Variants in FILIP1L observed in about 807,000 individuals in gnomAD.
The protein encoded by FILIP1L is filamin A-interacting protein 1-like.
Under a neutral mutation model 96.6 loss-of-function variants are expected in FILIP1L, and 55 were observed. The ratio of observed to expected loss-of-function variants is 0.57; its 90% CI spans 0.46 to 0.71. The LOEUF (loss-of-function observed/expected upper bound fraction) is 0.71. Among genes scored for constraint, FILIP1L ranks in the 30% least tolerant of loss-of-function variants. The pLI is 0.00. For synonymous variants in FILIP1L, 467 were observed against 473.9 expected, an observed-to-expected ratio of 0.99 and a Z score of 0.19; for missense variants, 1,304 against 1,321.2, an observed-to-expected ratio of 0.99 and a Z score of 0.20.
intron 1 of FILIP1L, among the ~76,000 whole-genome samples, chr3:99,938,072 TGTGCGC>T (rs1384712358): frequency 1.2e-3 from 174 of 142,592 alleles, no homozygotes; most frequent in African/African-American, 3.2e-3. Context: ...TGTGTGTGTG[TGTGCGC>T]GCGCGCGCGC....
At chr3:100,112,324 G>C (rs151195175) in intron 1 of FILIP1L, among the ~76,000 whole-genome samples, 29 of 152,232 alleles carry the variant, frequency 1.9e-4, no homozygotes, top group Non-Finnish European at 2.5e-4. Flanking sequence ...AAAGAAGATA[G>C]AGCCCATTAC....
chr3:100,086,672 T>C (rs771427547), intron 1 of FILIP1L, among the ~76,000 whole-genome samples: 5 of 152,112 alleles, frequency 3.3e-5, no homozygotes, highest in African/African-American at 9.7e-5. Flanking sequence ...ATAAAAATCA[T>C]TGGAGAGTTG....
intron 4 of FILIP1L, among the ~76,000 whole-genome samples, chr3:99,888,335 C>A (rs1705974593): frequency 6.6e-6 from 1 of 151,896 alleles, no homozygotes; most frequent in Admixed American, 6.6e-5. Context: ...CACTGCACTT[C>A]AGCCTGGGCA....
rs568058736 is a variant in FILIP1L, at chr3:100,077,795, G to A, written c.-11+36258C>T. 1.3e-4 allele frequency among the ~76,000 whole-genome samples: 20 copies of A among 152,094 alleles called. No individual in the cohort carries two copies. In the South Asian group the frequency reaches 2.7e-3, roughly 21 times the overall value. On this transcript the variant is annotated intron_variant, in intron 1 of 5. Coordinates refer to ENST00000477258, the MANE Select transcript of FILIP1L (RefSeq NM_001387850.1). Reference sequence around the variant, plus strand: ...CATGGCTGTGCATGTCTGTGGTCCCGCTACTGGGAGGCTGAGACAGGAGGA... The same window carrying A: ...CATGGCTGTGCATGTCTGTGGTCCCACTACTGGGAGGCTGAGACAGGAGGA...
intron 1 of FILIP1L, among the ~76,000 whole-genome samples, chr3:100,016,483 C>G (rs1022141073): frequency 6.6e-6 from 1 of 152,194 alleles, no homozygotes. Flanking sequence ...CTACACCCAG[C>G]TGGGTCAGCT....
intron 1 of FILIP1L, among the ~76,000 whole-genome samples, chr3:100,000,023 A>G (rs995178305): frequency 6.6e-6 from 1 of 152,224 alleles, no homozygotes; most frequent in Non-Finnish European, 1.5e-5. Context: ...CTCCACCTCC[A>G]GAGTCTTATT....
At chr3:99,895,179 C>T (rs1706208473) in intron 4 of FILIP1L, among the ~76,000 whole-genome samples, 1 of 152,056 alleles carries the variant, frequency 6.6e-6, no homozygotes, top group South Asian at 2.1e-4. Context: ...TATATAGTGG[C>T]CAGGATGGTT....
At chr3:99,876,164 C>T (rs1466835816) in intron 4 of FILIP1L, 3 of 985,510 alleles carry the variant, frequency 3.0e-6, no homozygotes, top group African/African-American at 1.7e-5. Flanking sequence ...GAGAGTCGCC[C>T]GAACAATGCG....
At chr3:100,048,510 G>A (rs1380213515) in intron 1 of FILIP1L, among the ~76,000 whole-genome samples, 1 of 152,184 alleles carries the variant, frequency 6.6e-6, no homozygotes, top group Non-Finnish European at 1.5e-5. Context: ...AGCCCACCCT[G>A]AAGCCATATC....
At chr3:99,877,054 A>G (rs563295431) in intron 4 of FILIP1L, among the ~76,000 whole-genome samples, 3 of 152,334 alleles carry the variant, frequency 2.0e-5, no homozygotes, top group South Asian at 2.1e-4. Context: ...ATCCTCTAGT[A>G]TGGGGTAGAT....
At chr3:99,983,912 T>C (rs1402329594) in intron 1 of FILIP1L, among the ~76,000 whole-genome samples, 1 of 152,090 alleles carries the variant, frequency 6.6e-6, no homozygotes, top group East Asian at 1.9e-4. Context: ...CAAAACAGCC[T>C]AGAGGAAGGC....
chr3:99,983,440 A>ATG (rs1174472113), intron 1 of FILIP1L, among the ~76,000 whole-genome samples: 4 of 37,928 alleles, frequency 1.1e-4, no homozygotes, highest in Admixed American at 4.0e-4. Flanking sequence ...ATGTATATAT[A>ATG]TGTATGTATA....
intron 4 of FILIP1L, among the ~76,000 whole-genome samples, chr3:99,878,209 T>C (rs193083615): frequency 2.2e-4 from 33 of 152,350 alleles, no homozygotes; most frequent in Non-Finnish European, 4.0e-4. Flanking sequence ...GTCATAGTTA[T>C]GTGACCACTG....
intron 1 of FILIP1L, among the ~76,000 whole-genome samples, chr3:99,933,493 T>C (rs1460474309): frequency 2.6e-5 from 4 of 152,154 alleles, no homozygotes; most frequent in African/African-American, 9.7e-5. Context: ...ACTACCACAG[T>C]ATATTATGTG....
intron 1 of FILIP1L, among the ~76,000 whole-genome samples, chr3:100,069,596 T>C (rs551912159): frequency 1.3e-5 from 2 of 152,302 alleles, no homozygotes; most frequent in Admixed American, 6.5e-5. Context: ...TTCAGTCTCC[T>C]GAGGCACCAG....
intron 1 of FILIP1L, among the ~76,000 whole-genome samples, chr3:99,977,063 T>A (rs1708994077): frequency 6.6e-6 from 1 of 152,198 alleles, no homozygotes; most frequent in South Asian, 2.1e-4. Flanking sequence ...TAATAGCACC[T>A]AGTGTCTCTA....
intron 1 of FILIP1L, among the ~76,000 whole-genome samples, chr3:100,072,817 T>A (rs1355800621): frequency 1.3e-5 from 2 of 152,154 alleles, no homozygotes; most frequent in African/African-American, 4.8e-5. Flanking sequence ...TAGGGACTCA[T>A]GAGTCACTTC....
Position 99,850,637 on chromosome 3 carries a change from CT to C in FILIP1L, c.1038del (p.Ala347GlnfsTer8). The C allele has an allele frequency of 6.2e-7, 1 of 1,614,036 alleles. No homozygotes were observed. The highest frequency in any genetic ancestry group is 1.1e-5 in the South Asian group (1 of 91,074). On this transcript the variant is annotated frameshift_variant, in exon 5 of 6. Transcript: ENST00000477258. LOFTEE classifies it high-confidence loss of function. Reference protein sequence around the residue: ...ELEETNRSLRKAEEELQDIKE... With the variant: ...ELEETNRSLRXAEEELQDIKE... ...TTTATATCTTGCAGCTCCTCTTCTG[CT>C]TTTCGTAAAGACCTGTTTGTCTCTT...
intron 3 of FILIP1L, among the ~76,000 whole-genome samples, chr3:99,926,952 A>G (rs1209726494): frequency 6.6e-6 from 1 of 152,076 alleles, no homozygotes; most frequent in Non-Finnish European, 1.5e-5. Context: ...CTCATCACTG[A>G]CAGCATGATT....
Sources: gnomAD v4.1 joint callset for allele counts (sites outside exome capture counted in the v4.1 genomes callset) on GRCh38, gnomAD v4.1.1 for gene constraint, MANE v1.5 for transcripts, NCBI Gene and HGNC (gene_info 2026-07-23, HGNC 2026-07-21) for gene names.